The following NFIA variants were observed in gnomAD, a reference collection of about 807,000 sequenced individuals.
NFIA encodes the protein nuclear factor I A, also known as nuclear factor 1 A-type.
A neutral mutation model predicts 62.8 loss-of-function variants in NFIA; 8 were observed. The ratio of observed to expected loss-of-function variants is 0.13; its 90% CI spans 0.07 to 0.23. The LOEUF (loss-of-function observed/expected upper bound fraction) is 0.23, where lower values mean the gene tolerates loss of function less well. NFIA is among the 10% of genes least tolerant of loss of function. NFIA has a pLI of 1.00. For missense variants in NFIA, 410 were observed against 642.1 expected (o/e 0.64, Z 3.91); for synonymous variants, 235 against 238.1 (o/e 0.99, Z 0.12).
At chr1:61,415,336 C>A (rs968106311) in intron 9 of NFIA, among the ~76,000 whole-genome samples, 36 of 151,776 alleles carry the variant, frequency 2.4e-4, no homozygotes, top group African/African-American at 8.0e-4. Flanking sequence ...TGCCAAAAAA[C>A]CAGCATCCAT....
At chr1:61,153,298 T>C (rs1206408521) in intron 2 of NFIA, among the ~76,000 whole-genome samples, 2 of 152,212 alleles carry the variant, frequency 1.3e-5, no homozygotes, top group Admixed American at 1.3e-4. Context: ...GCCTGCAGAG[T>C]CTATAAGCAT....
intron 8 of NFIA, 146 bp from the exon 9 acceptor site, chr1:61,406,416 C>T: frequency 1.4e-6 from 1 of 723,930 alleles, no homozygotes; most frequent in Non-Finnish European, 2.3e-6. Context: ...TCCGTATGGG[C>T]TTATGGAAGA....
At chr1:61,077,598 G>C, upstream of NFIA, 1 of 1,387,948 alleles carries the variant, frequency 7.2e-7, no homozygotes, top group Non-Finnish European at 9.5e-7. Flanking sequence ...GCATTTTAAA[G>C]TTTCTCACGT....
chr1:61,433,467 C>T (rs546361400), intron 10 of NFIA, among the ~76,000 whole-genome samples: 9 of 150,358 alleles, frequency 6.0e-5, no homozygotes, highest in African/African-American at 2.0e-4. Context: ...TTTTTTTTCA[C>T]AGTAATTCAA....
rs150189870 is a variant in NFIA at position 61,258,015 on chromosome 1, G to A, written c.560-19505G>A. Among the ~76,000 whole-genome samples the A allele has an allele frequency of 4.6e-5, 7 of 151,416 alleles. No homozygotes were observed. In the East Asian group the frequency reaches 1.4e-3, roughly 29 times the overall value. On this transcript the variant is annotated intron_variant, in intron 2 of 10. Coordinates refer to ENST00000403491, the MANE Select transcript of NFIA (RefSeq NM_001134673.4). ...CCTGGACCCTTAATCTTTATTATTA[G>A]TTCATCATCTTTTATCATGTATACT...
chr1:61,266,285 C>G (rs1306081361), intron 2 of NFIA, among the ~76,000 whole-genome samples: 6 of 152,112 alleles, frequency 3.9e-5, no homozygotes, highest in Admixed American at 3.9e-4. Context: ...AAAGAACACC[C>G]CAAACACCTA....
chr1:61,413,359 A>C (rs1250850978), intron 9 of NFIA, among the ~76,000 whole-genome samples: 5 of 152,134 alleles, frequency 3.3e-5, no homozygotes, highest in Non-Finnish European at 7.4e-5. Flanking sequence ...CTCTTTTTAC[A>C]TATGTATTAT....
chr1:61,308,024 T>C (rs373630572), intron 3 of NFIA, among the ~76,000 whole-genome samples: 73 of 152,356 alleles, frequency 4.8e-4, no homozygotes, highest in African/African-American at 1.7e-3. Context: ...ATGATGATAT[T>C]ATTTCGTGGT....
At chr1:61,266,123 A>G (rs1208466833) in intron 2 of NFIA, among the ~76,000 whole-genome samples, 2 of 152,180 alleles carry the variant, frequency 1.3e-5, no homozygotes. Context: ...ACCTTCATCT[A>G]TAGATATTCT....
chr1:61,308,067 C>T (rs1659898450), intron 3 of NFIA, among the ~76,000 whole-genome samples: 1 of 152,156 alleles, frequency 6.6e-6, no homozygotes, highest in Admixed American at 6.5e-5. Flanking sequence ...ATCATTATCC[C>T]CTTCTGTAGC....
At position 61,461,333 on chromosome 1, in the gene NFIA, C is replaced by T. The variant is rs1668523095; in HGVS notation, c.*6013C>T. The T allele has an allele frequency of 6.6e-6, 1 of 152,180 alleles. No homozygotes were observed. The highest frequency in any genetic ancestry group is 2.4e-5 in the African/African-American group (1 of 41,442). The allele number at this position is 152,180 out of a possible 1,614,324, so 9.4% of individuals were successfully genotyped here. On this transcript the variant is annotated 3_prime_UTR_variant, in exon 11 of 11. Coordinates refer to ENST00000403491, the MANE Select transcript of NFIA (RefSeq NM_001134673.4). Reference sequence around the variant, plus strand: ...TCACATGGCTATTTAGTTTCATGCACAGTTGCAATATTTTCTTCAAAAATA... The same window carrying T: ...TCACATGGCTATTTAGTTTCATGCATAGTTGCAATATTTTCTTCAAAAATA...
chr1:61,455,096 A>G (rs537070367), intron 10 of NFIA, among the ~76,000 whole-genome samples: 26 of 152,286 alleles, frequency 1.7e-4, no homozygotes, highest in Non-Finnish European at 2.9e-4. Flanking sequence ...GAAAACCCCA[A>G]TGAAGACAAT....
chr1:61,267,143 A>G (rs2100254207), intron 2 of NFIA, among the ~76,000 whole-genome samples: 1 of 152,342 alleles, frequency 6.6e-6, no homozygotes, highest in East Asian at 1.9e-4. Flanking sequence ...ACCAGGCCTA[A>G]TTCAGAATAA....
intron 10 of NFIA, among the ~76,000 whole-genome samples, chr1:61,440,151 C>T (rs1372187061): frequency 1.3e-5 from 2 of 152,110 alleles, no homozygotes; most frequent in Non-Finnish European, 2.9e-5. Context: ...GATCGTGCTG[C>T]TCAATGAAGG....
Position 61,211,398 on chromosome 1 carries a change from T to C in NFIA, c.560-66122T>C, listed in dbSNP as rs562480372. 1.6e-4 allele frequency among the ~76,000 whole-genome samples: 24 copies of C among 152,348 alleles called. No individual in the cohort carries two copies. The South Asian group carries it at 5.0e-3, about 32-fold the overall frequency. Reference sequence around the variant, plus strand: ...ATTACAAATTACAATTTATTAGTAATGATAATATTTAAGTAGTAATGATGA... The same window carrying C: ...ATTACAAATTACAATTTATTAGTAACGATAATATTTAAGTAGTAATGATGA... On this transcript the variant is annotated intron_variant, in intron 2 of 10. Coordinates refer to ENST00000403491, the MANE Select transcript of NFIA (RefSeq NM_001134673.4).
intron 2 of NFIA, among the ~76,000 whole-genome samples, chr1:61,107,017 A>G (rs1311040262): frequency 2.0e-5 from 3 of 151,438 alleles, no homozygotes; most frequent in East Asian, 1.9e-4. Context: ...ACTCTACAAT[A>G]TGTTCATAAT....
intron 4 of NFIA, among the ~76,000 whole-genome samples, chr1:61,347,585 G>C (rs539985518): frequency 6.6e-6 from 1 of 152,152 alleles, no homozygotes; most frequent in African/African-American, 2.4e-5. Flanking sequence ...CTCAGCTTAA[G>C]TGCCCACTCT....
At chr1:61,388,474 A>G (rs1664810159) in intron 7 of NFIA, among the ~76,000 whole-genome samples, 1 of 152,230 alleles carries the variant, frequency 6.6e-6, no homozygotes, top group Non-Finnish European at 1.5e-5. Context: ...TAGAGTAATC[A>G]TCAGTTACAT....
chr1:61,246,438 G>A (rs539873285), intron 2 of NFIA, among the ~76,000 whole-genome samples: 6 of 152,144 alleles, frequency 3.9e-5, no homozygotes, highest in Non-Finnish European at 8.8e-5. Context: ...CTATGACAGT[G>A]TGGGTTGATA....
Sources: allele counts gnomAD v4.1 joint callset (sites outside exome capture counted in the v4.1 genomes callset), GRCh38; gene constraint gnomAD v4.1.1; transcripts MANE v1.5; gene names NCBI Gene and HGNC (gene_info 2026-07-23, HGNC 2026-07-21).